The following ARL14EPL variants were observed in gnomAD, a reference collection of about 807,000 sequenced individuals.
ARL14EPL encodes ARL14 effector protein-like.
In ARL14EPL, 17 loss-of-function variants were observed where a neutral mutation model predicts 15.9. That is an observed-to-expected ratio of 1.07 (90% CI 0.73 to 1.60). The LOEUF (loss-of-function observed/expected upper bound fraction) is 1.60, where lower values mean the gene tolerates loss of function less well. Among genes scored for constraint, ARL14EPL ranks in the 40% most tolerant of loss-of-function variants. ARL14EPL has a pLI of 0.00. For missense variants in ARL14EPL, 214 were observed against 185.9 expected, an observed-to-expected ratio of 1.15 and a Z score of -0.88; for synonymous variants, 78 against 63.8, an observed-to-expected ratio of 1.22 and a Z score of -1.06.
At chr5:116,050,439 G>T (rs1014047233) in intron 1 of ARL14EPL, among the ~76,000 whole-genome samples, 13 of 152,180 alleles carry the variant, frequency 8.5e-5, no homozygotes, top group Non-Finnish European at 1.6e-4. Context: ...TCTTTTTATG[G>T]CTGCGTGGTA....
chr5:116,045,989 G>A (rs1054422697), intron 1 of ARL14EPL, among the ~76,000 whole-genome samples: 4 of 152,174 alleles, frequency 2.6e-5, no homozygotes, highest in Non-Finnish European at 4.4e-5. Flanking sequence ...ACAGCTTGGA[G>A]AGGGCAGCAA....
chr5:116,036,071 A>C (rs941131021), intron 1 of ARL14EPL, among the ~76,000 whole-genome samples: 3 of 152,228 alleles, frequency 2.0e-5, no homozygotes, highest in Non-Finnish European at 2.9e-5. Flanking sequence ...AAAGCAGAGC[A>C]TTAAAAGGTG....
intron 1 of ARL14EPL, among the ~76,000 whole-genome samples, chr5:116,034,766 A>G (rs1045809628): frequency 1.3e-5 from 2 of 152,182 alleles, no homozygotes; most frequent in Admixed American, 1.3e-4. Flanking sequence ...AGTAGGCTTC[A>G]GTTAGAAAAA....
rs151011632 is a variant in ARL14EPL at position 116,045,178 on chromosome 5, T to C, written c.-9-6279T>C. The stretch of plus-strand genomic sequence containing the variant: ...TATATTCGTGTGTTATGCTTAAGAG[T>C]GAAAGATAATTGGAGTTCCTTTAAT... On this transcript the variant is annotated intron_variant, in intron 1 of 3. Coordinates refer to ENST00000686077, the MANE Select transcript of ARL14EPL (RefSeq NM_001195581.2). Among the ~76,000 whole-genome samples the C allele has an allele frequency of 2.3e-3, 344 of 152,066 alleles. 2 individuals carry two copies. The highest frequency in any genetic ancestry group is 8.0e-3 in the African/African-American group (330 of 41,500).
At chr5:116,040,544 A>C (rs1179838963) in intron 1 of ARL14EPL, among the ~76,000 whole-genome samples, 1 of 151,554 alleles carries the variant, frequency 6.6e-6, no homozygotes, top group Non-Finnish European at 1.5e-5. Context: ...GATATTAGTA[A>C]GTCAAAGTAG....
intron 3 of ARL14EPL, among the ~76,000 whole-genome samples, chr5:116,055,788 C>A (rs1275538217): frequency 6.6e-6 from 1 of 152,042 alleles, no homozygotes; most frequent in African/African-American, 2.4e-5. Flanking sequence ...CTAATGCTAT[C>A]CCTCCCCACT....
intron 1 of ARL14EPL, among the ~76,000 whole-genome samples, chr5:116,047,533 A>C (rs1262362833): frequency 6.6e-6 from 1 of 152,248 alleles, no homozygotes; most frequent in Admixed American, 6.5e-5. Context: ...GCTTAGGTTC[A>C]ACAAGGTATA....
chr5:116,054,087 A>C lies in ARL14EPL; in HGVS notation c.170A>C (p.Glu57Ala). 1 of 1,535,866 alleles carries C rather than the reference A, an allele frequency of 6.5e-7. No individual in the cohort carries two copies. The highest frequency in any genetic ancestry group is 8.7e-7 in the Non-Finnish European group (1 of 1,146,758). The change falls in exon 3 of 4, where the codon GAA (glutamate) becomes GCA (alanine). Residue 57 changes from glutamate (E) to alanine (A), a missense_variant. Glu to Ala is a moderately radical substitution (Grantham distance 107). Coordinates refer to ENST00000686077, the MANE Select transcript of ARL14EPL (RefSeq NM_001195581.2). ...CCACAGGTAGCAGACTTTAATCCTG[A>C]AACAAGGCAGCAGAAAAAGAAAGCC... ...PGPQVADFNPETRQQKKKARM... is the reference protein window; with the variant it reads ...PGPQVADFNPATRQQKKKARM...
At chr5:116,045,961 G>A (rs891472201) in intron 1 of ARL14EPL, among the ~76,000 whole-genome samples, 3 of 152,122 alleles carry the variant, frequency 2.0e-5, no homozygotes, top group Admixed American at 6.6e-5. Context: ...TTGTCTTGTG[G>A]TTTTGAAAAC....
intron 2 of ARL14EPL, among the ~76,000 whole-genome samples, chr5:116,053,700 G>A (rs1252960969): frequency 1.3e-5 from 2 of 152,096 alleles, no homozygotes. Flanking sequence ...ATTCTGATGT[G>A]CATCCCCATC....
rs376747009 is a variant in ARL14EPL at position 116,049,516 on chromosome 5, GA to G, written c.-9-1939del. ...TTTCCAACTTTTATTTTAGAATCAG[GA>G]AGTACCTGTGCAGGTTTGTTACAGA... On this transcript the variant is annotated intron_variant, in intron 1 of 3. Coordinates refer to ENST00000686077, the MANE Select transcript of ARL14EPL (RefSeq NM_001195581.2). Among the ~76,000 whole-genome samples the G allele has an allele frequency of 5.9e-3, 905 of 152,210 alleles. 7 individuals carry two copies. Among genetic ancestry groups the G allele is most frequent in the Non-Finnish European group, 0.011 (723 of 68,004 alleles).
chr5:116,055,712 C>T (rs2560682), intron 3 of ARL14EPL, among the ~76,000 whole-genome samples: 114,275 of 151,456 alleles, frequency 0.75, 43,578 homozygotes, highest in African/African-American at 0.79. Context: ...GTTTGTTACA[C>T]ATGTATACAT....
At chr5:116,053,469 T>G (rs1300015353) in intron 2 of ARL14EPL, among the ~76,000 whole-genome samples, 1 of 152,128 alleles carries the variant, frequency 6.6e-6, no homozygotes, top group African/African-American at 2.4e-5. Context: ...TGGCTTTGAC[T>G]GAAAGTCGAT....
At chr5:116,052,267 G>C in intron 2 of ARL14EPL, 2 of 1,563,050 alleles carry the variant, frequency 1.3e-6, no homozygotes, top group Non-Finnish European at 1.8e-6. Flanking sequence ...CCTTCTTCTC[G>C]TCGTCCTTGG....
intron 2 of ARL14EPL, among the ~76,000 whole-genome samples, chr5:116,052,863 T>C (rs1425049765): frequency 6.6e-6 from 1 of 152,248 alleles, no homozygotes; most frequent in Admixed American, 6.5e-5. Flanking sequence ...TTCATGTATA[T>C]GTCAGCCTAT....
intron 1 of ARL14EPL, among the ~76,000 whole-genome samples, chr5:116,045,169 G>T (rs544139906): frequency 7.2e-5 from 11 of 152,124 alleles, no homozygotes; most frequent in Non-Finnish European, 1.6e-4. Context: ...CGTGTGTTAT[G>T]CTTAAGAGTG....
intron 3 of ARL14EPL, among the ~76,000 whole-genome samples, chr5:116,055,439 T>C (rs1225560464): frequency 1.3e-5 from 2 of 152,108 alleles, no homozygotes; most frequent in East Asian, 1.9e-4. Context: ...AAAAGATAAA[T>C]AACTTGTGGT....
At chr5:116,042,524 A>C (rs926325332) in intron 1 of ARL14EPL, among the ~76,000 whole-genome samples, 7 of 152,208 alleles carry the variant, frequency 4.6e-5, no homozygotes, top group African/African-American at 1.7e-4. Context: ...ACACCTTCAC[A>C]GTAGAACAGC....
At chr5:116,045,888 G>A (rs995136999) in intron 1 of ARL14EPL, among the ~76,000 whole-genome samples, 1 of 151,976 alleles carries the variant, frequency 6.6e-6, no homozygotes, top group African/African-American at 2.4e-5. Flanking sequence ...CACTCTCAAA[G>A]GCTTAAATCA....
Sources: allele counts gnomAD v4.1 joint callset (sites outside exome capture counted in the v4.1 genomes callset), GRCh38; gene constraint gnomAD v4.1.1; transcripts MANE v1.5; gene names NCBI Gene and HGNC (gene_info 2026-07-23, HGNC 2026-07-21).